The following B3GNT5 variants were observed in gnomAD, a reference collection of about 807,000 sequenced individuals.
The protein encoded by B3GNT5 is UDP-GlcNAc:betaGal beta-1,3-N-acetylglucosaminyltransferase 5.
A neutral mutation model predicts 25.9 loss-of-function variants in B3GNT5; 11 were observed. That is an observed-to-expected ratio of 0.42 (90% confidence interval 0.27 to 0.70). The LOEUF (loss-of-function observed/expected upper bound fraction) is 0.70. Ranked by LOEUF, B3GNT5 falls within the 30% of genes least tolerant of loss-of-function variation. B3GNT5 has a pLI of 0.23. For missense variants in B3GNT5, 385 were observed against 458.4 expected (o/e 0.84, Z 1.46); for synonymous variants, 166 against 158.6 (o/e 1.05, Z -0.35).
Position 183,270,260 on chromosome 3 carries a change from T to C in B3GNT5, c.462T>C (p.Asn154=). The C allele has an allele frequency of 6.2e-7, 1 of 1,614,138 alleles. No homozygotes were observed. The highest frequency in any genetic ancestry group is 1.3e-5 in the African/African-American group (1 of 75,042). Residue 154 remains asparagine, a synonymous_variant, in exon 2 of 2, where the codon AAT becomes AAC. Coordinates refer to ENST00000326505, the MANE Select transcript of B3GNT5 (RefSeq NM_032047.5). This position sits in a 1 kb window ranked among gnomAD's most constrained non-coding sequence, Gnocchi z 4.5. ...TGGCTTGGGAAGATCAAAGGTACAA[T>C]GATATAATTCAGCAAGACTTTGTTG... ...RKLAWEDQRY[N]DIIQQDFVDS... is the part of the protein sequence containing the mutation.
At chr3:183,268,007 T>C (rs1432925627) in intron 1 of B3GNT5, among the ~76,000 whole-genome samples, 1 of 152,158 alleles carries the variant, frequency 6.6e-6, no homozygotes, top group Non-Finnish European at 1.5e-5. Context: ...GTATGGGGTA[T>C]AAGAAGGTGC....
chr3:183,268,715 G>GAGTT (rs1372141760), intron 1 of B3GNT5, among the ~76,000 whole-genome samples: 1 of 152,048 alleles, frequency 6.6e-6, no homozygotes, highest in Non-Finnish European at 1.5e-5. Flanking sequence ...TAAAGACTTC[G>GAGTT]AGTTAAACGG....
rs775375151 is a variant in B3GNT5, at chr3:183,270,091, C to T, written c.293C>T (p.Pro98Leu). 6 of 1,614,134 alleles carry T rather than the reference C, an allele frequency of 3.7e-6. No homozygotes were observed. In the East Asian group the frequency reaches 1.3e-4, roughly 36 times the overall value. ...VLLLLFVKTAPENYDRRSGIR... is the reference protein window; with the variant it reads ...VLLLLFVKTALENYDRRSGIR... The stretch of plus-strand genomic sequence containing the variant: ...CTTTTACTGTTTGTAAAAACTGCTC[C>T]TGAAAACTATGATCGACGTTCCGGA... Residue 98 changes from proline to leucine, a missense_variant, in exon 2 of 2, where the codon CCT becomes CTT. Transcript: ENST00000326505. This position sits in a 1 kb window ranked among gnomAD's most constrained non-coding sequence, Gnocchi z 4.5.
At chr3:183,258,053 C>T (rs756183370) in intron 1 of B3GNT5, among the ~76,000 whole-genome samples, 14 of 149,330 alleles carry the variant, frequency 9.4e-5, no homozygotes, top group Non-Finnish European at 1.8e-4. Context: ...CCGCAACCTC[C>T]GCCTCCTGGG....
Position 183,270,898 on chromosome 3 carries a change from A to C in B3GNT5, c.1100A>C (p.Tyr367Ser), listed in dbSNP as rs200554608. The C allele has an allele frequency of 1.2e-6, 2 of 1,605,216 alleles. No individual in the cohort carries two copies. Among genetic ancestry groups the C allele is most frequent in the East Asian group, 4.5e-5 (2 of 44,848 alleles). Residue 367 changes from tyrosine (Y) to serine (S), a missense_variant, in exon 2 of 2, where the codon TAT (tyrosine) becomes TCT (serine). Physicochemically the swap from Tyr to Ser is moderately radical, Grantham distance 144. Transcript: ENST00000326505. The surrounding 1 kb of genome is among the most constrained non-coding windows in gnomAD (Gnocchi z 4.5). ...MKIILLCKIS[Y>S]VDTYPCRAAF... The stretch of plus-strand genomic sequence containing the variant: ...ATAATTCTCCTTTGTAAAATTAGCT[A>C]TGTGGACACATACCCTTGTAGGGCT...
At chr3:183,263,800 T>C (rs1725841123) in intron 1 of B3GNT5, among the ~76,000 whole-genome samples, 1 of 152,192 alleles carries the variant, frequency 6.6e-6, no homozygotes, top group African/African-American at 2.4e-5. Context: ...CCCTTGTTGG[T>C]AATGCTTGAA....
chr3:183,269,947 A>T lies in B3GNT5; in HGVS notation c.149A>T (p.Tyr50Phe). 1 of 1,614,184 alleles carries T rather than the reference A, an allele frequency of 6.2e-7. No individual in the cohort carries two copies. The highest frequency in any genetic ancestry group is 8.5e-7 in the Non-Finnish European group (1 of 1,180,040). The change falls in exon 2 of 2, where the codon TAC becomes TTC. Residue 50 changes from tyrosine to phenylalanine, a missense_variant. By Grantham distance (22) the Tyr-to-Phe change is conservative. Transcript: ENST00000326505. ...CATATGAAGTCATATTCTTACAGAT[A>T]CCTCATAAATAGCTATGACTTTGTG... ...VSHMKSYSYR[Y>F]LINSYDFVND...
intron 1 of B3GNT5, among the ~76,000 whole-genome samples, chr3:183,269,229 G>GTTTTTTTTTTTTTTTTTTTTT (rs1305607255): frequency 2.6e-5 from 2 of 77,022 alleles, no homozygotes; most frequent in African/African-American, 1.1e-4. Flanking sequence ...CGTTTGGGAA[G>GTTTTTTTTTTTTTTTTTTTTT]CTTTTTTTTT....
At position 183,271,058 on chromosome 3, in the gene B3GNT5, TC is replaced by T; in HGVS notation, c.*125del. 1 of 880,692 alleles carries T rather than the reference TC, an allele frequency of 1.1e-6. No individual in the cohort carries two copies. The highest frequency in any genetic ancestry group is 1.7e-6 in the Non-Finnish European group (1 of 602,264). The allele number at this position is 880,692 out of a possible 1,614,324, so 54.6% of individuals were successfully genotyped here. ...AAAGACAAATATTTTGAAAGCCTAG[TC>T]CATCAGAATGTTTCTTTGATTCTAG... is the stretch of plus-strand genomic sequence containing the variant. On this transcript the variant is annotated 3_prime_UTR_variant, in exon 2 of 2. Transcript: ENST00000326505.
At position 183,266,572 on chromosome 3, in the gene B3GNT5, CT is replaced by C. The variant is rs1726146588; in HGVS notation, c.-301-2925del. The stretch of plus-strand genomic sequence containing the variant: ...TGGGGCTTCAGAGGATGGTTGTTAT[CT>C]GGATGAGCACTGTGGAAAGACTGAG... On this transcript the variant is annotated intron_variant, in intron 1 of 1. Transcript: ENST00000326505. Among the ~76,000 whole-genome samples, 6 of 152,194 alleles carry C rather than the reference CT, an allele frequency of 3.9e-5. No individual in the cohort carries two copies. In the South Asian group the frequency reaches 8.3e-4, roughly 21 times the overall value.
At chr3:183,261,814 G>T (rs1002269643) in intron 1 of B3GNT5, among the ~76,000 whole-genome samples, 2 of 151,540 alleles carry the variant, frequency 1.3e-5, no homozygotes, top group Non-Finnish European at 2.9e-5. Flanking sequence ...TTCTGGGTTT[G>T]TTCTTGTTTT....
In B3GNT5 at chr3:183,272,882, T is replaced by C; in HGVS notation, c.*1947T>C. ...AGTGATCTTGTTTACAGCAGTGCTT[T>C]TGTGAAACAATTATTTATTTGCTGA... On this transcript the variant is annotated 3_prime_UTR_variant, in exon 2 of 2. Coordinates refer to ENST00000326505, the MANE Select transcript of B3GNT5 (RefSeq NM_032047.5). 1 of 1,309,494 alleles carries C rather than the reference T, an allele frequency of 7.6e-7. No homozygotes were observed. The highest frequency in any genetic ancestry group is 9.8e-7 in the Non-Finnish European group (1 of 1,020,924). The allele number at this position is 1,309,494 out of a possible 1,614,324, so 81.1% of individuals were successfully genotyped here.
At chr3:183,263,723 C>T (rs146698343) in intron 1 of B3GNT5, among the ~76,000 whole-genome samples, 95 of 152,280 alleles carry the variant, frequency 6.2e-4, no homozygotes, top group African/African-American at 2.1e-3. Flanking sequence ...TCTCCATCGC[C>T]TCGAACTCAA....
At position 183,271,192 on chromosome 3, in the gene B3GNT5, A is replaced by G; in HGVS notation, c.*257A>G. ...TGAAAACAAAACTAAAGGGAAGTTC[A>G]AGTTCTCATGTAATGCCACATATAT... is the stretch of plus-strand genomic sequence containing the variant. On this transcript the variant is annotated 3_prime_UTR_variant, in exon 2 of 2. Coordinates refer to ENST00000326505, the MANE Select transcript of B3GNT5 (RefSeq NM_032047.5). 4 of 320,726 alleles carry G rather than the reference A, an allele frequency of 1.2e-5. No individual in the cohort carries two copies. In the South Asian group the frequency reaches 3.1e-4, roughly 25 times the overall value. The allele number at this position is 320,726 out of a possible 1,614,324, so 19.9% of individuals were successfully genotyped here.
rs145613811 is a variant in B3GNT5 at position 183,272,240 on chromosome 3, A to C, written c.*1305A>C. 2.0e-6 allele frequency: 2 copies of C among 1,000,242 alleles called. No homozygotes were observed. Among genetic ancestry groups the C allele is most frequent in the Non-Finnish European group, 2.4e-6 (2 of 829,960 alleles). 62.0% of individuals were successfully genotyped at this position (1,000,242 alleles called of 1,614,324 possible). ...TACAAAGCAGGATAAAAATGTGGCT[A>C]TAATACACACTACCTCCCTTCACTA... On this transcript the variant is annotated 3_prime_UTR_variant, in exon 2 of 2. Coordinates refer to ENST00000326505, the MANE Select transcript of B3GNT5 (RefSeq NM_032047.5).
rs1726895490 is a variant in B3GNT5 at position 183,272,802 on chromosome 3, T to C, written c.*1867T>C. Reference sequence around the variant, plus strand: ...CCATATATACCCTGTGTATCTATACTTGGAAGTGTTTAAGGTTGCCATTGG... The same window carrying C: ...CCATATATACCCTGTGTATCTATACCTGGAAGTGTTTAAGGTTGCCATTGG... On this transcript the variant is annotated 3_prime_UTR_variant, in exon 2 of 2. Coordinates refer to ENST00000326505, the MANE Select transcript of B3GNT5 (RefSeq NM_032047.5). The C allele has an allele frequency of 2.5e-6, 3 of 1,177,166 alleles. No homozygotes were observed. Among genetic ancestry groups the C allele is most frequent in the Non-Finnish European group, 3.2e-6 (3 of 941,806 alleles). The allele number at this position is 1,177,166 out of a possible 1,614,324, so 72.9% of individuals were successfully genotyped here. A position where few individuals can be genotyped will look rare whatever the true frequency, so the allele number is the denominator to read the frequency against.
chr3:183,273,057 A>G lies in B3GNT5; in HGVS notation c.*2122A>G, dbSNP rs965339813. 1.0e-5 allele frequency: 15 copies of G among 1,486,020 alleles called. No homozygotes were observed. The highest frequency in any genetic ancestry group is 5.8e-5 in the African/African-American group (4 of 69,438). 92.1% of individuals were successfully genotyped at this position (1,486,020 alleles called of 1,614,324 possible). A position where few individuals can be genotyped will look rare whatever the true frequency, so the allele number is the denominator to read the frequency against. On this transcript the variant is annotated 3_prime_UTR_variant, in exon 2 of 2. Coordinates refer to ENST00000326505, the MANE Select transcript of B3GNT5 (RefSeq NM_032047.5). ...CATCACACTTACTTAAAGTACTGAG[A>G]AGAGTATCTGTAAATAAAAGGGTTC...
chr3:183,266,516 T>C (rs908664389), intron 1 of B3GNT5, among the ~76,000 whole-genome samples: 4 of 152,146 alleles, frequency 2.6e-5, no homozygotes, highest in African/African-American at 9.7e-5. Flanking sequence ...CTTCCAGATG[T>C]ATGGTGGAGG....
intron 1 of B3GNT5, among the ~76,000 whole-genome samples, chr3:183,258,128 C>A (rs550408343): frequency 1.3e-5 from 2 of 152,054 alleles, no homozygotes; most frequent in Admixed American, 6.5e-5. Context: ...CCACCACACC[C>A]AGCTAATTTT....
Sources: gnomAD v4.1 joint callset for allele counts (sites outside exome capture counted in the v4.1 genomes callset) on GRCh38, gnomAD v4.1.1 for gene constraint, Gnocchi (gnomAD v3.1) non-coding constraint, MANE v1.5 for transcripts, NCBI Gene and HGNC (gene_info 2026-07-23, HGNC 2026-07-21) for gene names.